Variants in NEDD4L observed in about 807,000 individuals in gnomAD.
The protein encoded by NEDD4L is NEDD4 like E3 ubiquitin protein ligase.
Under a neutral mutation model 148.9 loss-of-function variants are expected in NEDD4L, and 54 were observed. The ratio of observed to expected loss-of-function variants is 0.36; its 90% CI spans 0.29 to 0.45. The LOEUF is 0.45. Ranked by LOEUF, NEDD4L falls within the 20% of genes least tolerant of loss-of-function variation. The pLI is 1.00. For missense variants in NEDD4L, 856 were observed against 1,233.8 expected (o/e 0.69, Z 4.59); for synonymous variants, 433 against 440.7 (o/e 0.98, Z 0.22).
chr18:58,311,362 G>T (rs1248729544), intron 5 of NEDD4L, among the ~76,000 whole-genome samples: 2 of 152,130 alleles, frequency 1.3e-5, no homozygotes, highest in Non-Finnish European at 2.9e-5. Flanking sequence ...AATACACATG[G>T]GTCATTTTAC....
chr18:58,370,459 G>A lies in NEDD4L; in HGVS notation c.2248G>A (p.Glu750Lys). ...AAAGCAGATAACCCTGAATGACATGGAATCTGTGGTAAGTAAATGCACGTC... is the reference window on the plus strand; with the variant it reads ...AAAGCAGATAACCCTGAATGACATGAAATCTGTGGTAAGTAAATGCACGTC... ...LGKQITLNDM[E>K]SVDSEYYNSL... The change falls in exon 23 of 31, where the codon GAA becomes AAA. Residue 750 changes from glutamate to lysine, a missense_variant. By Grantham distance (56) the Glu-to-Lys change is moderately conservative. Coordinates refer to ENST00000400345, the MANE Select transcript of NEDD4L (RefSeq NM_001144967.3). 6.2e-7 allele frequency: 1 copy of A among 1,605,988 alleles called. No individual in the cohort carries two copies. The highest frequency in any genetic ancestry group is 1.1e-5 in the South Asian group (1 of 90,936).
intron 2 of NEDD4L, chr18:58,221,431 C>A: frequency 2.6e-6 from 1 of 389,114 alleles, no homozygotes; most frequent in Non-Finnish European, 3.5e-6. Flanking sequence ...AAGCTAATTG[C>A]TGAGCTGGGT....
At chr18:58,342,545 G>A (rs1345854812) in intron 15 of NEDD4L, among the ~76,000 whole-genome samples, 1 of 151,934 alleles carries the variant, frequency 6.6e-6, no homozygotes, top group African/African-American at 2.4e-5. Flanking sequence ...TCCTTTTTGT[G>A]CTCTAAAACT....
At chr18:58,383,842 G>A (rs1156278553) in intron 25 of NEDD4L, among the ~76,000 whole-genome samples, 2 of 152,202 alleles carry the variant, frequency 1.3e-5, no homozygotes, top group East Asian at 3.8e-4. Context: ...ACAAAATGTT[G>A]AGTCTTTTTG....
At chr18:58,381,531 C>T (rs2048329998) in intron 24 of NEDD4L, among the ~76,000 whole-genome samples, 1 of 152,276 alleles carries the variant, frequency 6.6e-6, no homozygotes, top group East Asian at 1.9e-4. Flanking sequence ...CTTCCCCTTC[C>T]CTGTGCGAGG....
At chr18:58,195,644 G>C (rs1370293590) in intron 2 of NEDD4L, 2 of 1,351,236 alleles carry the variant, frequency 1.5e-6, no homozygotes, top group African/African-American at 1.5e-5. Context: ...CGCCGCCGTT[G>C]CTGTTGTTAG....
At chr18:58,175,783 CT>C (rs2038061000) in intron 2 of NEDD4L, among the ~76,000 whole-genome samples, 2 of 152,376 alleles carry the variant, frequency 1.3e-5, no homozygotes, top group African/African-American at 4.8e-5. Context: ...ATAAAAACCT[CT>C]TTACTCCCTA....
At chr18:58,281,301 C>A (rs2053039543) in intron 5 of NEDD4L, among the ~76,000 whole-genome samples, 2 of 141,832 alleles carry the variant, frequency 1.4e-5, no homozygotes, top group Admixed American at 7.1e-5. Context: ...ATTTTCAAGT[C>A]TCTCTCCTTT....
At chr18:58,194,500 C>A (rs1261828700) in intron 2 of NEDD4L, among the ~76,000 whole-genome samples, 1 of 152,206 alleles carries the variant, frequency 6.6e-6, no homozygotes, top group East Asian at 1.9e-4. Flanking sequence ...CCTCAACACT[C>A]TTGGCTCTTA....
chr18:58,303,887 A>T (rs142721875), intron 5 of NEDD4L, among the ~76,000 whole-genome samples: 177 of 152,274 alleles, frequency 1.2e-3, no homozygotes, highest in Non-Finnish European at 1.8e-3. Flanking sequence ...TTTCAAGGAG[A>T]TAGGAGTTAA....
intron 2 of NEDD4L, among the ~76,000 whole-genome samples, chr18:58,214,164 G>C (rs1311494399): frequency 7.4e-6 from 1 of 134,582 alleles, no homozygotes; most frequent in East Asian, 2.6e-4. Context: ...TAAATCACCT[G>C]ATCGCTGCCC....
At chr18:58,346,074 C>CAAAG (rs879308608) in intron 16 of NEDD4L, among the ~76,000 whole-genome samples, 3 of 151,964 alleles carry the variant, frequency 2.0e-5, no homozygotes, top group South Asian at 2.1e-4. Context: ...TAGCTTCATT[C>CAAAG]AAAGAAAGAA....
chr18:58,127,608 G>A (rs545059075), intron 1 of NEDD4L, among the ~76,000 whole-genome samples: 19 of 152,102 alleles, frequency 1.2e-4, no homozygotes, highest in Non-Finnish European at 1.9e-4. Flanking sequence ...GGGAGGCCGA[G>A]GCAGGCGGAT....
At chr18:58,151,174 C>T (rs958458685) in intron 1 of NEDD4L, among the ~76,000 whole-genome samples, 11 of 152,164 alleles carry the variant, frequency 7.2e-5, no homozygotes, top group East Asian at 1.9e-4. Context: ...TGCCTATAGA[C>T]GGGTCTGTCT....
intron 24 of NEDD4L, among the ~76,000 whole-genome samples, chr18:58,374,485 C>T: frequency 6.6e-6 from 1 of 152,052 alleles, no homozygotes. Flanking sequence ...CTCCCCACCC[C>T]ACTGTGTTGT....
chr18:58,313,193 C>G (rs144751299), intron 5 of NEDD4L, among the ~76,000 whole-genome samples: 160 of 152,338 alleles, frequency 1.1e-3, no homozygotes, highest in African/African-American at 3.7e-3. Flanking sequence ...TAATTTCCAT[C>G]TCTATTCATG....
At chr18:58,182,836 G>C (rs994855497) in intron 2 of NEDD4L, among the ~76,000 whole-genome samples, 12 of 152,170 alleles carry the variant, frequency 7.9e-5, no homozygotes, top group Non-Finnish European at 2.9e-5. Context: ...GCACTATGCA[G>C]GGAGGTCCTG....
intron 1 of NEDD4L, among the ~76,000 whole-genome samples, chr18:58,137,967 C>A (rs2033041229): frequency 6.6e-6 from 1 of 152,168 alleles, no homozygotes; most frequent in African/African-American, 2.4e-5. Context: ...AGGTATAAGG[C>A]CTATCCATGT....
chr18:58,386,047 G>A (rs561573134), intron 26 of NEDD4L, among the ~76,000 whole-genome samples: 1 of 151,676 alleles, frequency 6.6e-6, no homozygotes, highest in Non-Finnish European at 1.5e-5. Context: ...TTGATTGATT[G>A]ATTGATTGAT....
Sources: gnomAD v4.1 joint callset for allele counts (sites outside exome capture counted in the v4.1 genomes callset) on GRCh38, gnomAD v4.1.1 for gene constraint, MANE v1.5 for transcripts, NCBI Gene and HGNC (gene_info 2026-07-23, HGNC 2026-07-21) for gene names.